ARID4B: variants seen among roughly 807,000 people sequenced by gnomAD.
The protein encoded by ARID4B is AT-rich interaction domain 4B, also known as AT-rich interactive domain-containing protein 4B.
ARID4B carries 26 observed loss-of-function variants against 147.5 expected under a neutral mutation model. The observed-to-expected ratio is 0.18, with a 90% CI of 0.13 to 0.24. The LOEUF is 0.24. Among genes scored for constraint, ARID4B ranks in the 10% least tolerant of loss-of-function variants. The probability of loss-of-function intolerance (pLI) is 1.00; values close to 1 mark genes in which losing one functional copy is unlikely to be tolerated. For synonymous variants in ARID4B, 512 were observed against 507.9 expected, an observed-to-expected ratio of 1.01 and a Z score of -0.11; for missense variants, 1,179 against 1,511.5, an observed-to-expected ratio of 0.78 and a Z score of 3.65.
chr1:235,236,833 A>AAAAATATAT (rs1175189621), intron 8 of ARID4B, among the ~76,000 whole-genome samples: 1 of 33,518 alleles, frequency 3.0e-5, no homozygotes, highest in Non-Finnish European at 4.7e-5. Context: ...TTTTATAAAA[A>AAAAATATAT]ATATATATAT....
At chr1:235,213,073 A>G (rs1214951288) in intron 17 of ARID4B, among the ~76,000 whole-genome samples, 3 of 152,204 alleles carry the variant, frequency 2.0e-5, no homozygotes, top group Non-Finnish European at 4.4e-5. Flanking sequence ...TTTGGATAAA[A>G]TCAAAATACA....
At chr1:235,305,969 G>A (rs989384917) in intron 2 of ARID4B, among the ~76,000 whole-genome samples, 19 of 151,976 alleles carry the variant, frequency 1.3e-4, no homozygotes, top group African/African-American at 4.6e-4. Context: ...CTTCAAATAA[G>A]AAAAAACTAC....
At chr1:235,239,180 C>T (rs1017124554) in intron 8 of ARID4B, among the ~76,000 whole-genome samples, 1 of 152,044 alleles carries the variant, frequency 6.6e-6, no homozygotes, top group East Asian at 1.9e-4. Flanking sequence ...CCCTGTTGGC[C>T]AGGCTGGTCT....
chr1:235,265,183 G>A (rs1278430314), intron 2 of ARID4B, among the ~76,000 whole-genome samples: 1 of 150,444 alleles, frequency 6.6e-6, no homozygotes, highest in African/African-American at 2.5e-5. Flanking sequence ...GGCCAACATG[G>A]TGAAAACCCC....
intron 2 of ARID4B, among the ~76,000 whole-genome samples, chr1:235,320,177 T>G (rs1572237177): frequency 6.7e-6 from 1 of 149,396 alleles, no homozygotes; most frequent in South Asian, 2.1e-4. Flanking sequence ...TGGTGGCAGG[T>G]GCCTGTAATC....
intron 2 of ARID4B, among the ~76,000 whole-genome samples, chr1:235,291,193 A>G (rs1672311904): frequency 6.6e-6 from 1 of 151,420 alleles, no homozygotes; most frequent in South Asian, 2.1e-4. Flanking sequence ...TCAGGAGATC[A>G]AGACCACCCT....
intron 7 of ARID4B, among the ~76,000 whole-genome samples, chr1:235,245,699 T>C (rs1277401515): frequency 1.3e-5 from 2 of 152,206 alleles, no homozygotes; most frequent in Non-Finnish European, 2.9e-5. Context: ...TATTTCATCA[T>C]GAAATTTTTC....
intron 23 of ARID4B, 29 bp from the exon 24 acceptor site, chr1:235,168,681 C>T (rs1201711415): frequency 6.3e-7 from 1 of 1,596,608 alleles, no homozygotes; most frequent in Non-Finnish European, 8.5e-7. Flanking sequence ...AAACCAAGAG[C>T]TTAATAAAAA....
rs532225243 is a variant in ARID4B, at chr1:235,238,051, G to A, written c.585+2262C>T. Among the ~76,000 whole-genome samples the A allele has an allele frequency of 2.6e-5, 4 of 151,590 alleles. No homozygotes were observed. The South Asian group carries it at 8.3e-4, about 32-fold the overall frequency. ...ACCAGCTACTCGGGAGGCTGAGGCAGGAGGATCACTTGAACCTGGGAGGCG... is the reference window on the plus strand; with the variant it reads ...ACCAGCTACTCGGGAGGCTGAGGCAAGAGGATCACTTGAACCTGGGAGGCG... On this transcript the variant is annotated intron_variant, in intron 8 of 23. Coordinates refer to ENST00000264183, the MANE Select transcript of ARID4B (RefSeq NM_016374.6).
intron 20 of ARID4B, chr1:235,180,955 T>C: frequency 4.0e-6 from 1 of 253,070 alleles, no homozygotes; most frequent in Middle Eastern, 1.7e-3. Context: ...ATTTCCACTT[T>C]TAACAATTTC....
intron 11 of ARID4B, among the ~76,000 whole-genome samples, chr1:235,225,651 T>C (rs1277826494): frequency 1.3e-5 from 2 of 152,198 alleles, no homozygotes; most frequent in Non-Finnish European, 2.9e-5. Flanking sequence ...ATTCCAAATA[T>C]ACAGCTAGGC....
chr1:235,178,128 C>G (rs2102912737), intron 20 of ARID4B, among the ~76,000 whole-genome samples: 1 of 152,108 alleles, frequency 6.6e-6, no homozygotes, highest in African/African-American at 2.4e-5. Flanking sequence ...TTTAAAAAGG[C>G]AAACAAAGTA....
chr1:235,172,855 G>T, intron 22 of ARID4B, 91 bp from the exon 23 acceptor site: 3 of 1,089,624 alleles, frequency 2.8e-6, no homozygotes, highest in South Asian at 4.4e-5. Flanking sequence ...TGCTGAATAA[G>T]GTTGAGGCAG....
At chr1:235,226,430 G>A (rs1377546331) in intron 11 of ARID4B, among the ~76,000 whole-genome samples, 2 of 151,956 alleles carry the variant, frequency 1.3e-5, no homozygotes, top group African/African-American at 2.4e-5. Context: ...GTGTCATCTC[G>A]GCTCACTGCA....
At chr1:235,199,480 C>G (rs928079886) in intron 17 of ARID4B, among the ~76,000 whole-genome samples, 10 of 152,090 alleles carry the variant, frequency 6.6e-5, no homozygotes, top group African/African-American at 1.9e-4. Flanking sequence ...TTATCAGGGC[C>G]TTTATTTCAC....
chr1:235,327,115 G>T, intron 1 of ARID4B, 147 bp from the exon 2 acceptor site: 1 of 604,788 alleles, frequency 1.7e-6, no homozygotes, highest in African/African-American at 1.9e-5. Flanking sequence ...ACGCCGACTC[G>T]GGGCTCCCTC....
chr1:235,272,384 C>T (rs144761935), intron 2 of ARID4B, among the ~76,000 whole-genome samples: 55 of 152,166 alleles, frequency 3.6e-4, no homozygotes, highest in Middle Eastern at 3.4e-3. Context: ...TAGAATAGCA[C>T]CTACATATAG....
Position 235,194,104 on chromosome 1 carries a change from C to T in ARID4B, c.2034G>A (p.Met678Ile), listed in dbSNP as rs1571942060. 6.2e-7 allele frequency: 1 copy of T among 1,612,934 alleles called. No homozygotes were observed. The highest frequency in any genetic ancestry group is 8.5e-7 in the Non-Finnish European group (1 of 1,179,020). Residue 678 changes from methionine (M) to isoleucine (I), a missense_variant, in exon 19 of 24, where the codon ATG becomes ATA. By Grantham distance (10) the Met-to-Ile change is conservative. This residue lies in a region of ARID4B where 321 missense variants were observed against 342.4 expected (regional missense o/e 0.94). Coordinates refer to ENST00000264183, the MANE Select transcript of ARID4B (RefSeq NM_016374.6). ...PPFQTNPSPE[M>I]VSKLDLTDAK... ...CATCAGTGAGATCCAGTTTGGATACCATTTCAGGAGATGGATTTGTCTGAA... is the reference window on the plus strand; with the variant it reads ...CATCAGTGAGATCCAGTTTGGATACTATTTCAGGAGATGGATTTGTCTGAA...
At chr1:235,327,538 C>G (rs1675401172) in intron 1 of ARID4B, 1 of 152,248 alleles carries the variant, frequency 6.6e-6, no homozygotes, top group African/African-American at 2.4e-5. Flanking sequence ...GGCCCCCACC[C>G]TGCCCGGGCC....
Sources: gnomAD v4.1 joint callset for allele counts (sites outside exome capture counted in the v4.1 genomes callset) on GRCh38, gnomAD v4.1.1 for gene constraint, gnomAD v4.1.1 regional missense constraint, MANE v1.5 for transcripts, NCBI Gene and HGNC (gene_info 2026-07-23, HGNC 2026-07-21) for gene names.